The following ZNF83 variants were observed in gnomAD, a reference collection of about 807,000 sequenced individuals.
ZNF83 encodes the protein zinc finger protein 816B.
For missense variants in ZNF83, 552 were observed against 629.9 expected (o/e 0.88, Z 1.32); for synonymous variants, 209 against 213.0 (o/e 0.98, Z 0.17).
intron 1 of ZNF83, among the ~76,000 whole-genome samples, chr19:52,690,182 GAA>G (rs35717855): frequency 0.012 from 1,529 of 132,158 alleles, 29 homozygotes; most frequent in African/African-American, 0.038. Flanking sequence ...ATGATTTTGA[GAA>G]AAAAAAAAAA....
At chr19:52,684,908 T>G (rs11667304) in intron 1 of ZNF83, among the ~76,000 whole-genome samples, 21,651 of 152,166 alleles carry the variant, frequency 0.14, 1,676 homozygotes, top group African/African-American at 0.19. Flanking sequence ...AGTGAGGAGT[T>G]GGGCTTTTGT....
At chr19:52,631,805 T>C (rs1047309033) in intron 2 of ZNF83, among the ~76,000 whole-genome samples, 4 of 152,164 alleles carry the variant, frequency 2.6e-5, no homozygotes, top group African/African-American at 7.2e-5. Context: ...AGGCAGGCTA[T>C]GCTATAGTAC....
chr19:52,639,413 C>CTTTTTTCTTT (rs1206783591), upstream of ZNF83, among the ~76,000 whole-genome samples: 2 of 53,882 alleles, frequency 3.7e-5, no homozygotes, highest in African/African-American at 1.8e-4. Flanking sequence ...TTAGTTTTTT[C>CTTTTTTCTTT]TATTTTTTTT....
chr19:52,624,187 AT>A (rs1568539439), intron 2 of ZNF83, among the ~76,000 whole-genome samples: 3 of 152,252 alleles, frequency 2.0e-5, no homozygotes, highest in Admixed American at 2.0e-4. Flanking sequence ...TATTCAATAC[AT>A]TGATGACCTT....
upstream of ZNF83, among the ~76,000 whole-genome samples, chr19:52,643,056 A>C (rs1465501673): frequency 1.3e-5 from 2 of 152,158 alleles, no homozygotes; most frequent in African/African-American, 4.8e-5. Context: ...GGGGAGACTG[A>C]GGTAGGAGAA....
chr19:52,641,874 A>T (rs1306724485), upstream of ZNF83, among the ~76,000 whole-genome samples: 1 of 152,200 alleles, frequency 6.6e-6, no homozygotes, highest in Non-Finnish European at 1.5e-5. Context: ...GACATGAGAC[A>T]TCAATCAATA....
At chr19:52,670,850 G>GT (rs2061715102) in intron 1 of ZNF83, among the ~76,000 whole-genome samples, 1 of 152,196 alleles carries the variant, frequency 6.6e-6, no homozygotes, top group Non-Finnish European at 1.5e-5. Context: ...ATTAGAATTG[G>GT]TTGAGTTTGT....
At chr19:52,663,059 A>C (rs965425206) in intron 1 of ZNF83, among the ~76,000 whole-genome samples, 4 of 152,056 alleles carry the variant, frequency 2.6e-5, no homozygotes, top group Admixed American at 1.3e-4. Flanking sequence ...GCTATTTGGG[A>C]GGCTGACCAG....
At chr19:52,661,191 C>G (rs980287039) in intron 1 of ZNF83, among the ~76,000 whole-genome samples, 9 of 152,108 alleles carry the variant, frequency 5.9e-5, no homozygotes, top group African/African-American at 2.2e-4. Context: ...ACCACACATT[C>G]CTTTCCTGTG....
intron 1 of ZNF83, among the ~76,000 whole-genome samples, chr19:52,683,522 A>AGGACCCTC (rs199947809): frequency 1.9e-4 from 16 of 84,122 alleles, no homozygotes; most frequent in South Asian, 3.4e-4. Flanking sequence ...AAGGGAATCC[A>AGGACCCTC]AAGGGAAGGG....
At chr19:52,631,184 T>TCAA (rs2060945105) in intron 2 of ZNF83, among the ~76,000 whole-genome samples, 7 of 146,066 alleles carry the variant, frequency 4.8e-5, no homozygotes, top group Admixed American at 4.8e-4. Flanking sequence ...CCCAAATTTC[T>TCAA]TCCTCATCTG....
chr19:52,667,896 G>A (rs1482760389), intron 1 of ZNF83, among the ~76,000 whole-genome samples: 2 of 152,108 alleles, frequency 1.3e-5, no homozygotes, highest in Admixed American at 6.6e-5. Context: ...AGCTTATCTG[G>A]TATAAAAATC....
At chr19:52,672,321 T>G (rs1031328331) in intron 1 of ZNF83, among the ~76,000 whole-genome samples, 2 of 152,262 alleles carry the variant, frequency 1.3e-5, no homozygotes, top group African/African-American at 4.8e-5. Flanking sequence ...TAAGTTAACA[T>G]GTACTATGAA....
chr19:52,640,997 C>G (rs964007717), upstream of ZNF83, among the ~76,000 whole-genome samples: 9 of 152,136 alleles, frequency 5.9e-5, no homozygotes, highest in Non-Finnish European at 1.3e-4. Flanking sequence ...CAGCAGGCGA[C>G]ATCTGGGGCC....
At chr19:52,642,261 CTTTTTTTTTTTT>C (rs869173970), upstream of ZNF83, among the ~76,000 whole-genome samples, 2 of 47,832 alleles carry the variant, frequency 4.2e-5, no homozygotes, top group Non-Finnish European at 6.7e-5. Context: ...AGTATTGTAG[CTTTTTTTTTTTT>C]TTTTTTTTTT....
At chr19:52,663,547 A>C (rs2061606655) in intron 1 of ZNF83, among the ~76,000 whole-genome samples, 1 of 152,240 alleles carries the variant, frequency 6.6e-6, no homozygotes, top group Admixed American at 6.5e-5. Context: ...TGAGGAAAGA[A>C]AATGGAGTAA....
chr19:52,628,874 C>T, intron 2 of ZNF83, among the ~76,000 whole-genome samples: 1 of 152,006 alleles, frequency 6.6e-6, no homozygotes, highest in South Asian at 2.1e-4. Flanking sequence ...GTGCCCCAAC[C>T]TCTTATATCT....
intron 3 of ZNF83, chr19:52,651,400 G>C (rs548674908): frequency 1.4e-4 from 21 of 152,304 alleles, no homozygotes; most frequent in African/African-American, 4.6e-4. Context: ...TCTTGAGGAG[G>C]TGTTAGAAAA....
intron 2 of ZNF83, among the ~76,000 whole-genome samples, chr19:52,632,854 C>T (rs1048524467): frequency 1.3e-5 from 2 of 152,110 alleles, no homozygotes; most frequent in Admixed American, 1.3e-4. Context: ...CACAATATCA[C>T]CCCTTACCAC....
Sources: allele counts gnomAD v4.1 joint callset (sites outside exome capture counted in the v4.1 genomes callset), GRCh38; gene constraint gnomAD v4.1.1; transcripts MANE v1.5; gene names NCBI Gene and HGNC (gene_info 2026-07-23, HGNC 2026-07-21).